Variants in UNC13C observed in about 807,000 individuals in gnomAD.
UNC13C encodes the protein unc-13 homolog C.
Under a neutral mutation model 245.4 loss-of-function variants are expected in UNC13C, and 174 were observed. The observed-to-expected ratio is 0.71, with a 90% CI of 0.63 to 0.80. UNC13C has a LOEUF of 0.80. UNC13C is among the 30% of genes least tolerant of loss of function. The pLI is 0.00. For synonymous variants in UNC13C, 992 were observed against 895.1 expected, an observed-to-expected ratio of 1.11 and a Z score of -1.93; for missense variants, 2,829 against 2,602.9, an observed-to-expected ratio of 1.09 and a Z score of -1.89.
intron 4 of UNC13C, among the ~76,000 whole-genome samples, chr15:54,174,640 A>G (rs1195690191): frequency 6.6e-6 from 1 of 152,208 alleles, no homozygotes; most frequent in Non-Finnish European, 1.5e-5. Flanking sequence ...ATATGATTCT[A>G]TCTTAATCAT....
intron 4 of UNC13C, among the ~76,000 whole-genome samples, chr15:54,184,873 CA>C (rs1256303106): frequency 6.6e-6 from 1 of 152,176 alleles, no homozygotes; most frequent in Non-Finnish European, 1.5e-5. Flanking sequence ...AACTAGTTTA[CA>C]GTCCCACCAA....
chr15:54,398,572 C>T (rs116520772), intron 18 of UNC13C, among the ~76,000 whole-genome samples: 2,213 of 151,200 alleles, frequency 0.015, 69 homozygotes, highest in African/African-American at 0.052. Flanking sequence ...AAAAATCATC[C>T]GGGCTTAGAG....
chr15:54,472,231 A>G (rs1892501561), intron 19 of UNC13C, among the ~76,000 whole-genome samples: 1 of 151,060 alleles, frequency 6.6e-6, no homozygotes, highest in East Asian at 1.9e-4. Flanking sequence ...GCCAAGAAAA[A>G]CTCTACACTT....
chr15:54,521,360 G>T (rs1170092201), intron 24 of UNC13C, among the ~76,000 whole-genome samples: 1 of 152,052 alleles, frequency 6.6e-6, no homozygotes, highest in African/African-American at 2.4e-5. Context: ...AAGGAAATGA[G>T]ATAGTAATAA....
intron 25 of UNC13C, 44 bp downstream of exon 25, chr15:54,525,681 G>A: frequency 6.7e-7 from 1 of 1,481,748 alleles, no homozygotes; most frequent in Non-Finnish European, 9.3e-7. Context: ...ATAATTAGGT[G>A]TCAGTTCATG....
chr15:54,056,864 T>C (rs1897553926), intron 2 of UNC13C, among the ~76,000 whole-genome samples: 1 of 152,110 alleles, frequency 6.6e-6, no homozygotes, highest in Admixed American at 6.6e-5. Flanking sequence ...CAAACTAAGC[T>C]TCATAAGTGA....
chr15:54,056,757 A>G (rs2141066020), intron 2 of UNC13C, among the ~76,000 whole-genome samples: 1 of 152,324 alleles, frequency 6.6e-6, no homozygotes, highest in East Asian at 1.9e-4. Flanking sequence ...CTAACAGCTG[A>G]TCTCTCGGCA....
Position 54,028,784 on chromosome 15 carries a change from G to A in UNC13C, c.2983+12898G>A, listed in dbSNP as rs577088972. On this transcript the variant is annotated intron_variant, in intron 2 of 32. Coordinates refer to ENST00000260323, the MANE Select transcript of UNC13C (RefSeq NM_001080534.3). ...TGGCTCACCGCAAGCTCCACCTCCC[G>A]GGTTCACACTCTTCTCCTGCCTCAG... 3.0e-5 allele frequency among the ~76,000 whole-genome samples: 4 copies of A among 134,764 alleles called. No individual in the cohort carries two copies. In the South Asian group the frequency reaches 7.4e-4, roughly 25 times the overall value. The allele number at this position is 134,764 out of a possible 152,430, so 88.4% of individuals were successfully genotyped here. A position where few individuals can be genotyped will look rare whatever the true frequency, so the allele number is the denominator to read the frequency against.
intron 7 of UNC13C, among the ~76,000 whole-genome samples, chr15:54,248,339 C>T (rs558054096): frequency 6.6e-6 from 1 of 152,158 alleles, no homozygotes; most frequent in South Asian, 2.1e-4. Flanking sequence ...ACACACACAG[C>T]CCCTCAGCCC....
At chr15:54,154,355 A>G (rs1466917923) in intron 4 of UNC13C, among the ~76,000 whole-genome samples, 1 of 152,166 alleles carries the variant, frequency 6.6e-6, no homozygotes. Context: ...TAACTGGAAA[A>G]GATAAAAATA....
At chr15:54,218,663 A>C (rs2035118418) in intron 4 of UNC13C, among the ~76,000 whole-genome samples, 1 of 151,914 alleles carries the variant, frequency 6.6e-6, no homozygotes, top group Admixed American at 6.6e-5. Flanking sequence ...AGGGATACTG[A>C]ATATAAAAAT....
At chr15:54,044,599 C>T (rs1212153682) in intron 2 of UNC13C, among the ~76,000 whole-genome samples, 3 of 152,286 alleles carry the variant, frequency 2.0e-5, no homozygotes, top group East Asian at 3.9e-4. Context: ...TCCACATTCT[C>T]ACCAACACTT....
chr15:53,860,073 C>A, the UNC13C span, among the ~76,000 whole-genome samples: 2 of 152,118 alleles, frequency 1.3e-5, no homozygotes, highest in Non-Finnish European at 2.9e-5. Context: ...GCAGCACAGA[C>A]CATCTTCTCT....
intron 4 of UNC13C, among the ~76,000 whole-genome samples, chr15:54,158,087 A>C (rs1307224563): frequency 1.3e-5 from 2 of 152,210 alleles, no homozygotes; most frequent in African/African-American, 4.8e-5. Flanking sequence ...CTCCAGAACG[A>C]CAAAGAGACA....
chr15:54,293,006 G>GTA (rs1021853715), intron 10 of UNC13C, among the ~76,000 whole-genome samples: 2 of 150,464 alleles, frequency 1.3e-5, no homozygotes, highest in African/African-American at 4.9e-5. Context: ...ATGTGTGTGT[G>GTA]TATATACATA....
At chr15:54,293,083 G>T (rs749283496) in intron 10 of UNC13C, among the ~76,000 whole-genome samples, 23 of 151,636 alleles carry the variant, frequency 1.5e-4, no homozygotes, top group Non-Finnish European at 3.1e-4. Flanking sequence ...CTGAGATAAA[G>T]CACCTGTGCT....
chr15:54,580,257 T>A (rs1898141772), intron 30 of UNC13C, among the ~76,000 whole-genome samples: 1 of 152,234 alleles, frequency 6.6e-6, no homozygotes, highest in Admixed American at 6.5e-5. Flanking sequence ...TGAGCGAAGA[T>A]GGGACATTTT....
intron 16 of UNC13C, 42 bp from the exon 17 acceptor site, chr15:54,338,319 G>A: frequency 2.5e-6 from 4 of 1,594,544 alleles, no homozygotes; most frequent in African/African-American, 1.3e-5. Context: ...ATTACAATGT[G>A]TCACTGTTGC....
intron 2 of UNC13C, among the ~76,000 whole-genome samples, chr15:54,122,139 T>C (rs1393552275): frequency 6.6e-6 from 1 of 151,908 alleles, no homozygotes; most frequent in Non-Finnish European, 1.5e-5. Flanking sequence ...TTTTTTTTTC[T>C]TATTTCATTA....
Sources: allele counts gnomAD v4.1 joint callset (sites outside exome capture counted in the v4.1 genomes callset), GRCh38; gene constraint gnomAD v4.1.1; transcripts MANE v1.5; gene names NCBI Gene and HGNC (gene_info 2026-07-23, HGNC 2026-07-21).